Variants in EPHB1 observed in about 807,000 individuals in gnomAD.
EPHB1 encodes the protein EPH receptor B1.
A neutral mutation model predicts 94.4 loss-of-function variants in EPHB1; 30 were observed. That is an observed-to-expected ratio of 0.32 (90% CI 0.24 to 0.43). EPHB1 has a LOEUF of 0.43. Among genes scored for constraint, EPHB1 ranks in the 20% least tolerant of loss-of-function variants. The pLI is 1.00. For synonymous variants in EPHB1, 522 were observed against 489.1 expected (o/e 1.07, Z -0.89); for missense variants, 1,055 against 1,308.3 (o/e 0.81, Z 2.99).
chr3:135,042,582 G>A (rs1229647316), intron 3 of EPHB1, among the ~76,000 whole-genome samples: 2 of 152,188 alleles, frequency 1.3e-5, no homozygotes, highest in Non-Finnish European at 1.5e-5. Context: ...GAGGAGGGCT[G>A]CCCCTCCTGC....
intron 1 of EPHB1, among the ~76,000 whole-genome samples, chr3:134,888,912 A>G (rs987628843): frequency 7.4e-6 from 1 of 134,942 alleles, no homozygotes; most frequent in Non-Finnish European, 1.7e-5. Flanking sequence ...CTGGAAGGGG[A>G]GGGGGGCCCT....
chr3:135,257,208 C>G (rs1933436068), intron 15 of EPHB1, among the ~76,000 whole-genome samples: 1 of 152,128 alleles, frequency 6.6e-6, no homozygotes, highest in Admixed American at 6.5e-5. Context: ...AAGCCTTCTT[C>G]TCTCAACTCG....
chr3:135,037,641 A>G (rs1053844372), intron 3 of EPHB1, among the ~76,000 whole-genome samples: 1 of 152,228 alleles, frequency 6.6e-6, no homozygotes, highest in African/African-American at 2.4e-5. Flanking sequence ...TGCTTTCTGT[A>G]TAATGATAGA....
At chr3:134,970,477 C>T (rs1933926082) in intron 3 of EPHB1, among the ~76,000 whole-genome samples, 1 of 152,168 alleles carries the variant, frequency 6.6e-6, no homozygotes, top group South Asian at 2.1e-4. Context: ...CCCTCCATGG[C>T]TTTGTCTTAC....
At chr3:135,180,524 T>C (rs1471679107) in intron 10 of EPHB1, among the ~76,000 whole-genome samples, 1 of 152,184 alleles carries the variant, frequency 6.6e-6, no homozygotes, top group African/African-American at 2.4e-5. Flanking sequence ...TTACAAAAAA[T>C]CTATGGTACA....
intron 3 of EPHB1, among the ~76,000 whole-genome samples, chr3:135,048,150 G>A (rs184747372): frequency 2.5e-4 from 38 of 151,344 alleles, no homozygotes; most frequent in African/African-American, 8.7e-4. Flanking sequence ...GAGGTGCTGG[G>A]AAGGAGGAGG....
chr3:135,040,167 G>T (rs539261348), intron 3 of EPHB1, among the ~76,000 whole-genome samples: 3 of 152,242 alleles, frequency 2.0e-5, no homozygotes, highest in Admixed American at 6.5e-5. Context: ...CTTACTTGCT[G>T]TGTGTTCTCA....
intron 1 of EPHB1, among the ~76,000 whole-genome samples, chr3:134,924,010 G>C (rs1346886653): frequency 6.6e-6 from 1 of 152,150 alleles, no homozygotes; most frequent in Non-Finnish European, 1.5e-5. Context: ...CAGGGGACTA[G>C]GACACCATCA....
Position 135,120,934 on chromosome 3 carries a change from A to T in EPHB1, c.962-11780A>T, listed in dbSNP as rs1291709580. Among the ~76,000 whole-genome samples, 10 of 152,308 alleles carry T rather than the reference A, an allele frequency of 6.6e-5. No homozygotes were observed. The East Asian group carries it at 1.9e-3, about 29-fold the overall frequency. On this transcript the variant is annotated intron_variant, in intron 4 of 15. Coordinates refer to ENST00000398015, the MANE Select transcript of EPHB1 (RefSeq NM_004441.5). ...GGAGATGCAGGACTCCTCCCCGGGC[A>T]TCCCCATCTCTCAGGAATGGTGGAG... is the stretch of plus-strand genomic sequence containing the variant.
At chr3:134,843,696 T>C (rs140278189) in intron 1 of EPHB1, among the ~76,000 whole-genome samples, 314 of 152,282 alleles carry the variant, frequency 2.1e-3, no homozygotes, top group Non-Finnish European at 3.6e-3. Context: ...TTTATTTCAG[T>C]TATTGTTCTT....
chr3:134,918,773 C>T (rs1388448949), intron 1 of EPHB1, among the ~76,000 whole-genome samples: 1 of 152,206 alleles, frequency 6.6e-6, no homozygotes, highest in Non-Finnish European at 1.5e-5. Context: ...CAGTTTTTCT[C>T]ATAGTTCAGA....
At chr3:135,095,888 G>A (rs16842582) in intron 3 of EPHB1, among the ~76,000 whole-genome samples, 35 of 152,124 alleles carry the variant, frequency 2.3e-4, no homozygotes, top group Admixed American at 8.5e-4. Flanking sequence ...CTTAGATGTC[G>A]CTTTCCCAAG....
chr3:134,954,551 C>T (rs1410808193), intron 3 of EPHB1, among the ~76,000 whole-genome samples: 5 of 152,150 alleles, frequency 3.3e-5, no homozygotes, highest in Non-Finnish European at 1.5e-5. Flanking sequence ...CCTTCAACAA[C>T]GAACTCTCTC....
chr3:134,896,599 T>G (rs1267444146), intron 1 of EPHB1, among the ~76,000 whole-genome samples: 1 of 152,228 alleles, frequency 6.6e-6, no homozygotes, highest in African/African-American at 2.4e-5. Context: ...GCCTGCTCCT[T>G]CATCGATGGC....
intron 3 of EPHB1, among the ~76,000 whole-genome samples, chr3:135,016,531 T>C (rs530314900): frequency 6.6e-6 from 1 of 152,334 alleles, no homozygotes; most frequent in South Asian, 2.1e-4. Flanking sequence ...GGGCAATATG[T>C]GCACAGAGCT....
chr3:135,240,741 CT>C (rs556403649), intron 12 of EPHB1, among the ~76,000 whole-genome samples: 2 of 152,304 alleles, frequency 1.3e-5, no homozygotes, highest in South Asian at 4.1e-4. Context: ...ATTGCAATTC[CT>C]TCTGACCCAA....
At position 135,260,041 on chromosome 3, in the gene EPHB1, T is replaced by G; in HGVS notation, c.*921T>G. ...AGAGAGGAGAGGGAGAAAAATAAAATGAAAGGAAAAAAAAAAGTTTGCAAA... is the reference window on the plus strand; with the variant it reads ...AGAGAGGAGAGGGAGAAAAATAAAAGGAAAGGAAAAAAAAAAGTTTGCAAA... On this transcript the variant is annotated 3_prime_UTR_variant, in exon 16 of 16. Coordinates refer to ENST00000398015, the MANE Select transcript of EPHB1 (RefSeq NM_004441.5). 1 of 230,128 alleles carries G rather than the reference T, an allele frequency of 4.3e-6. No homozygotes were observed. Among genetic ancestry groups the G allele is most frequent in the Non-Finnish European group, 8.6e-6 (1 of 116,438 alleles). 14.3% of individuals were successfully genotyped at this position (230,128 alleles called of 1,614,324 possible). A position where few individuals can be genotyped will look rare whatever the true frequency, so the allele number is the denominator to read the frequency against.
chr3:134,938,993 T>C (rs1367603494), intron 2 of EPHB1, among the ~76,000 whole-genome samples: 1 of 152,134 alleles, frequency 6.6e-6, no homozygotes, highest in Non-Finnish European at 1.5e-5. Flanking sequence ...CCACCCCTTT[T>C]TTGATCATCA....
At chr3:134,811,247 T>G (rs889381861) in intron 1 of EPHB1, among the ~76,000 whole-genome samples, 11 of 105,930 alleles carry the variant, frequency 1.0e-4, no homozygotes, top group African/African-American at 4.5e-4. Context: ...AGAAGGTTTT[T>G]TTTTTTTTTT....
Sources: allele counts gnomAD v4.1 joint callset (sites outside exome capture counted in the v4.1 genomes callset), GRCh38; gene constraint gnomAD v4.1.1; transcripts MANE v1.5; gene names NCBI Gene and HGNC (gene_info 2026-07-23, HGNC 2026-07-21).